Variants in DPP6 observed in about 807,000 individuals in gnomAD.
DPP6 encodes dipeptidyl peptidase like 6, also known as A-type potassium channel modulatory protein DPP6.
In DPP6, 69 loss-of-function variants were observed where a neutral mutation model predicts 122.6. That is an observed-to-expected ratio of 0.56 (90% CI 0.46 to 0.69). The LOEUF (loss-of-function observed/expected upper bound fraction) is 0.69. DPP6 is among the 30% of genes least tolerant of loss of function. DPP6 has a pLI of 0.00. For synonymous variants in DPP6, 418 were observed against 433.1 expected (o/e 0.97, Z 0.43); for missense variants, 928 against 1,116.9 (o/e 0.83, Z 2.41).
intron 3 of DPP6, among the ~76,000 whole-genome samples, chr7:154,489,038 C>T (rs984569225): frequency 2.6e-5 from 4 of 152,216 alleles, no homozygotes; most frequent in African/African-American, 9.6e-5. Context: ...GATGAAGCAA[C>T]ACCGATATGA....
At chr7:154,129,599 C>G (rs1284493032) in intron 1 of DPP6, among the ~76,000 whole-genome samples, 1 of 152,078 alleles carries the variant, frequency 6.6e-6, no homozygotes, top group Non-Finnish European at 1.5e-5. Context: ...CCTGTCTCTA[C>G]TAAAAATAAA....
chr7:153,836,548 T>C, the DPP6 span, among the ~76,000 whole-genome samples: 2 of 152,206 alleles, frequency 1.3e-5, no homozygotes, highest in Non-Finnish European at 2.9e-5. Flanking sequence ...GCTCCTATTA[T>C]CTAGATCAAG....
chr7:154,869,732 T>C (rs933267829), intron 18 of DPP6, among the ~76,000 whole-genome samples: 15 of 152,210 alleles, frequency 9.9e-5, no homozygotes, highest in African/African-American at 3.4e-4. Flanking sequence ...GCCCCGCCAT[T>C]TGGCCACAGG....
chr7:154,844,749 G>T (rs1361927976), intron 16 of DPP6, among the ~76,000 whole-genome samples: 1 of 152,092 alleles, frequency 6.6e-6, no homozygotes, highest in African/African-American at 2.4e-5. Flanking sequence ...AGACTGCCTG[G>T]GATTAGGAAT....
chr7:154,064,858 C>T (rs1802572543), intron 1 of DPP6, among the ~76,000 whole-genome samples: 1 of 152,184 alleles, frequency 6.6e-6, no homozygotes. Flanking sequence ...GTTGTCAGAG[C>T]CTGCACCGCA....
In DPP6 at chr7:154,202,947, A is replaced by G. The variant is rs560837655; in HGVS notation, c.243+149884A>G. ...ACGAAGCATTTTATTTTTTTACCTGATGGGGACACAGGCCAGGGTTTGACT... is the reference window on the plus strand; with the variant it reads ...ACGAAGCATTTTATTTTTTTACCTGGTGGGGACACAGGCCAGGGTTTGACT... On this transcript the variant is annotated intron_variant, in intron 1 of 25. Transcript: ENST00000377770. Among the ~76,000 whole-genome samples the G allele has an allele frequency of 5.3e-5, 8 of 152,250 alleles. No individual in the cohort carries two copies. The South Asian group carries it at 1.5e-3, about 28-fold the overall frequency.
chr7:153,870,899 G>A, the DPP6 span, among the ~76,000 whole-genome samples: 7 of 152,202 alleles, frequency 4.6e-5, no homozygotes, highest in South Asian at 1.4e-3. Context: ...GTCTGTTGGA[G>A]TTTGCTAGAG....
At chr7:154,879,028 G>A (rs971716598) in intron 20 of DPP6, among the ~76,000 whole-genome samples, 1 of 152,208 alleles carries the variant, frequency 6.6e-6, no homozygotes, top group Admixed American at 6.5e-5. Flanking sequence ...TTTGCCAGAC[G>A]CCAGGACATC....
chr7:154,040,857 G>A (rs562847820), intron 1 of DPP6, among the ~76,000 whole-genome samples: 356 of 149,192 alleles, frequency 2.4e-3, no homozygotes, highest in African/African-American at 8.4e-3. Flanking sequence ...CTCCTGCCCC[G>A]GGAAGAGGAT....
chr7:154,093,998 G>A (rs180724592), intron 1 of DPP6: 8 of 152,200 alleles, frequency 5.3e-5, no homozygotes, highest in African/African-American at 1.9e-4. Flanking sequence ...GAGGTTTTCT[G>A]CAGCAATTTC....
Position 154,058,840 on chromosome 7 carries a change from C to G in DPP6, c.243+5777C>G, listed in dbSNP as rs181252262. The stretch of plus-strand genomic sequence containing the variant: ...ACTGAGAGCTATCCCCTCTTCCGCC[C>G]CTGGCTGTTAGTACCCCCATCGCAG... On this transcript the variant is annotated intron_variant, in intron 1 of 25. Transcript: ENST00000377770. 16 of 146,816 alleles carry G rather than the reference C, an allele frequency of 1.1e-4. 1 individual carries two copies. Among genetic ancestry groups the G allele is most frequent in the African/African-American group, 4.0e-4 (16 of 39,804 alleles). The allele number at this position is 146,816 out of a possible 1,614,324, so 9.1% of individuals were successfully genotyped here.
At chr7:154,719,241 G>A (rs1033685528) in intron 7 of DPP6, among the ~76,000 whole-genome samples, 8 of 152,060 alleles carry the variant, frequency 5.3e-5, no homozygotes, top group African/African-American at 1.9e-4. Context: ...GGCTTGTCTT[G>A]GTTACATCCC....
At chr7:154,766,285 G>T (rs930529195) in intron 8 of DPP6, among the ~76,000 whole-genome samples, 3 of 152,050 alleles carry the variant, frequency 2.0e-5, no homozygotes, top group Non-Finnish European at 4.4e-5. Flanking sequence ...CCCTGAACCC[G>T]ATGACCCAAT....
chr7:154,500,001 A>G (rs952902686), intron 3 of DPP6, among the ~76,000 whole-genome samples: 2 of 152,140 alleles, frequency 1.3e-5, no homozygotes, highest in African/African-American at 4.8e-5. Context: ...TAAACACAAT[A>G]CATGCTTAGT....
chr7:153,760,119 T>G, the DPP6 span, among the ~76,000 whole-genome samples: 1 of 152,130 alleles, frequency 6.6e-6, no homozygotes, highest in Non-Finnish European at 1.5e-5. Flanking sequence ...TTTCCCTGGG[T>G]TTTATTTTGG....
chr7:153,787,922 C>T, the DPP6 span, among the ~76,000 whole-genome samples: 2 of 149,608 alleles, frequency 1.3e-5, no homozygotes, highest in Admixed American at 1.3e-4. Context: ...CTAGTGGACA[C>T]CTTAGAAGGT....
chr7:154,356,709 T>C (rs1352544931), intron 1 of DPP6, among the ~76,000 whole-genome samples: 1 of 152,192 alleles, frequency 6.6e-6, no homozygotes, highest in Non-Finnish European at 1.5e-5. Flanking sequence ...TAAAACAAAA[T>C]AATAATTCCG....
intron 1 of DPP6, among the ~76,000 whole-genome samples, chr7:153,985,379 T>A (rs1796791836): frequency 6.6e-6 from 1 of 152,190 alleles, no homozygotes; most frequent in African/African-American, 2.4e-5. Flanking sequence ...TAGCATGACA[T>A]CCTCTGTAGC....
chr7:154,065,196 A>G (rs1023940952), intron 1 of DPP6, among the ~76,000 whole-genome samples: 1 of 152,112 alleles, frequency 6.6e-6, no homozygotes, highest in Non-Finnish European at 1.5e-5. Flanking sequence ...AAGGACAGAC[A>G]TCACTGCCAC....
Sources: gnomAD v4.1 joint callset for allele counts (sites outside exome capture counted in the v4.1 genomes callset) on GRCh38, gnomAD v4.1.1 for gene constraint, MANE v1.5 for transcripts, NCBI Gene and HGNC (gene_info 2026-07-23, HGNC 2026-07-21) for gene names.